The following ATP8A2 variants were observed in gnomAD, a reference collection of about 807,000 sequenced individuals.
ATP8A2 encodes ATPase phospholipid transporting 8A2.
A neutral mutation model predicts 165.6 loss-of-function variants in ATP8A2; 100 were observed. The ratio of observed to expected loss-of-function variants is 0.60; its 90% CI spans 0.51 to 0.71. The LOEUF (loss-of-function observed/expected upper bound fraction) is 0.71. Among genes scored for constraint, ATP8A2 ranks in the 30% least tolerant of loss-of-function variants. ATP8A2 has a pLI of 0.00. For missense variants in ATP8A2, 1,227 were observed against 1,479.5 expected (o/e 0.83, Z 2.80); for synonymous variants, 543 against 548.8 (o/e 0.99, Z 0.15).
chr13:25,759,257 T>C (rs1031830426), intron 25 of ATP8A2, among the ~76,000 whole-genome samples: 3 of 151,332 alleles, frequency 2.0e-5, no homozygotes, highest in Non-Finnish European at 4.4e-5. Flanking sequence ...AGATGACCTT[T>C]TGTTCTGTGC....
intron 24 of ATP8A2, 88 bp from the exon 25 acceptor site, chr13:25,699,085 C>T: frequency 1.9e-6 from 2 of 1,075,940 alleles, no homozygotes; most frequent in Non-Finnish European, 2.6e-6. Context: ...GGTGTGTTCT[C>T]ATTTCAAGAA....
At chr13:25,552,205 T>C (rs532233017) in intron 11 of ATP8A2, among the ~76,000 whole-genome samples, 34 of 152,272 alleles carry the variant, frequency 2.2e-4, no homozygotes, top group African/African-American at 8.2e-4. Flanking sequence ...CAGGCTAGCC[T>C]CGAACTCCTG....
At chr13:25,902,246 C>A (rs538402433) in intron 33 of ATP8A2, among the ~76,000 whole-genome samples, 1 of 152,160 alleles carries the variant, frequency 6.6e-6, no homozygotes, top group Non-Finnish European at 1.5e-5. Context: ...TTGTCTACTT[C>A]GGAGTGATAT....
chr13:25,822,244 A>G (rs942192842), intron 27 of ATP8A2, among the ~76,000 whole-genome samples: 13 of 152,148 alleles, frequency 8.5e-5, no homozygotes, highest in African/African-American at 2.9e-4. Context: ...TTTGTTTTCC[A>G]TATATAAGGG....
At chr13:25,559,649 A>T (rs1383872214) in intron 14 of ATP8A2, 72 bp from the exon 15 acceptor site, 1 of 1,087,888 alleles carries the variant, frequency 9.2e-7, no homozygotes, top group Non-Finnish European at 1.4e-6. Context: ...TAAGAATTAG[A>T]TCAGTTTTGA....
At chr13:25,573,179 G>A (rs916773201) in intron 18 of ATP8A2, among the ~76,000 whole-genome samples, 8 of 152,140 alleles carry the variant, frequency 5.3e-5, no homozygotes, top group African/African-American at 9.7e-5. Context: ...CTGAACTATA[G>A]GATTTTCAGT....
intron 1 of ATP8A2, among the ~76,000 whole-genome samples, chr13:25,444,643 T>TTG (rs1555271435): frequency 8.6e-5 from 13 of 152,042 alleles, no homozygotes; most frequent in African/African-American, 3.1e-4. Flanking sequence ...CTGTTTTTTT[T>TTG]TTTTGTTTTG....
intron 1 of ATP8A2, among the ~76,000 whole-genome samples, chr13:25,379,666 C>T (rs181600431): frequency 4.9e-4 from 74 of 152,284 alleles, no homozygotes; most frequent in Admixed American, 2.9e-3. Flanking sequence ...GTTTTTAACC[C>T]TCAGTAGTTA....
intron 24 of ATP8A2, among the ~76,000 whole-genome samples, chr13:25,689,208 C>T (rs1221794866): frequency 1.3e-5 from 2 of 152,170 alleles, no homozygotes; most frequent in East Asian, 3.8e-4. Flanking sequence ...AAAGTTTTAG[C>T]ACGTGTTTTA....
At chr13:25,906,786 G>A (rs1953948710) in intron 33 of ATP8A2, among the ~76,000 whole-genome samples, 2 of 152,188 alleles carry the variant, frequency 1.3e-5, no homozygotes, top group Admixed American at 6.5e-5. Context: ...CAGTGGCAGA[G>A]TCCCTGAGTA....
rs190039276 is a variant in ATP8A2, at chr13:25,520,815, C to T, written c.222-9184C>T. 2.1e-3 allele frequency among the ~76,000 whole-genome samples: 321 copies of T among 151,996 alleles called. 2 individuals are homozygous for T. Among genetic ancestry groups the T allele is most frequent in the African/African-American group, 7.3e-3 (302 of 41,460 alleles). ...TTTTTTAGTAGAGACAAGGTTTCAC[C>T]ATGTTAGCCAGGATGGTCTCGATTT... On this transcript the variant is annotated intron_variant, in intron 2 of 36. Coordinates refer to ENST00000381655, the MANE Select transcript of ATP8A2 (RefSeq NM_016529.6).
intron 33 of ATP8A2, among the ~76,000 whole-genome samples, chr13:25,900,936 G>C (rs939385890): frequency 5.9e-5 from 9 of 152,200 alleles, no homozygotes; most frequent in Non-Finnish European, 1.2e-4. Flanking sequence ...GAACACCCCT[G>C]AGCATCTTCA....
intron 33 of ATP8A2, among the ~76,000 whole-genome samples, chr13:25,872,259 A>T (rs1952699791): frequency 6.6e-6 from 1 of 151,964 alleles, no homozygotes; most frequent in Non-Finnish European, 1.5e-5. Context: ...TAATTGGGGG[A>T]TGGAGCTCTT....
chr13:25,991,344 G>C (rs999739182), intron 35 of ATP8A2, among the ~76,000 whole-genome samples: 1 of 152,182 alleles, frequency 6.6e-6, no homozygotes, highest in Admixed American at 6.5e-5. Context: ...CCTTTACTCA[G>C]TTTCCTTAAA....
intron 1 of ATP8A2, among the ~76,000 whole-genome samples, chr13:25,397,037 G>C (rs966695314): frequency 6.6e-6 from 1 of 152,166 alleles, no homozygotes; most frequent in South Asian, 2.1e-4. Context: ...GTGCCCCTTG[G>C]TGGGGGTGGG....
chr13:25,861,018 C>T (rs1457469016), intron 32 of ATP8A2, among the ~76,000 whole-genome samples, 158 bp downstream of exon 32: 2 of 152,106 alleles, frequency 1.3e-5, no homozygotes, highest in East Asian at 3.9e-4. Context: ...GGTAAATTTG[C>T]AATCCAAAGT....
intron 34 of ATP8A2, among the ~76,000 whole-genome samples, chr13:25,963,191 C>T (rs1386569828): frequency 1.3e-5 from 2 of 151,948 alleles, no homozygotes; most frequent in Admixed American, 1.3e-4. Flanking sequence ...GTCAAGCAGT[C>T]AAGACCATCC....
chr13:25,742,989 AT>A (rs1451803224), intron 25 of ATP8A2, among the ~76,000 whole-genome samples: 1 of 152,058 alleles, frequency 6.6e-6, no homozygotes, highest in Non-Finnish European at 1.5e-5. Context: ...TATAAGTTGT[AT>A]TGTGTCCACC....
chr13:25,775,675 AGG>A (rs2044725805), intron 27 of ATP8A2, among the ~76,000 whole-genome samples: 1 of 152,188 alleles, frequency 6.6e-6, no homozygotes, highest in Non-Finnish European at 1.5e-5. Context: ...CCTGCTATAA[AGG>A]GGGTGGCTTT....
Sources: gnomAD v4.1 joint callset for allele counts (sites outside exome capture counted in the v4.1 genomes callset) on GRCh38, gnomAD v4.1.1 for gene constraint, MANE v1.5 for transcripts, NCBI Gene and HGNC (gene_info 2026-07-23, HGNC 2026-07-21) for gene names.